Variants in TNFRSF10C observed in about 807,000 individuals in gnomAD.
TNFRSF10C encodes TNF receptor superfamily member 10c, also known as tumor necrosis factor receptor superfamily member 10C.
TNFRSF10C carries 17 observed loss-of-function variants against 16.7 expected under a neutral mutation model. The observed-to-expected ratio is 1.02, with a 90% CI of 0.70 to 1.53. The LOEUF is 1.53. TNFRSF10C is among the 40% of genes most tolerant of loss of function. TNFRSF10C has a pLI of 0.00. For synonymous variants in TNFRSF10C, 73 were observed against 119.7 expected (o/e 0.61, Z 2.55); for missense variants, 237 against 329.7 (o/e 0.72, Z 2.18).
chr8:23,103,391 C>A (rs1459304413), intron 1 of TNFRSF10C: 1 of 847,022 alleles, frequency 1.2e-6, no homozygotes, highest in Non-Finnish European at 1.8e-6. Context: ...GAGAGGCGGT[C>A]CCCCTGGCTG....
intron 1 of TNFRSF10C, among the ~76,000 whole-genome samples, chr8:23,104,755 T>C (rs1418765703): frequency 2.0e-5 from 3 of 152,200 alleles, no homozygotes; most frequent in African/African-American, 7.2e-5. Context: ...CACATCACAT[T>C]GCTATGTATT....
chr8:23,111,923 A>C, intron 2 of TNFRSF10C, 98 bp downstream of exon 2: 2 of 1,219,716 alleles, frequency 1.6e-6, no homozygotes, highest in Non-Finnish European at 2.3e-6. Context: ...ATATGTACGC[A>C]TTGTGGAATG....
At chr8:23,112,560 C>A (rs777882494) in intron 2 of TNFRSF10C, among the ~76,000 whole-genome samples, 1 of 152,238 alleles carries the variant, frequency 6.6e-6, no homozygotes, top group Non-Finnish European at 1.5e-5. Context: ...TATGTGAGAT[C>A]ATGAGGTGTT....
intron 1 of TNFRSF10C, among the ~76,000 whole-genome samples, chr8:23,109,014 G>A (rs79063284): frequency 0.016 from 2,460 of 152,240 alleles, 71 homozygotes; most frequent in African/African-American, 0.057. Flanking sequence ...AAAAGGGAAG[G>A]TAAGATATTT....
chr8:23,106,169 A>G (rs1301914719), intron 1 of TNFRSF10C, among the ~76,000 whole-genome samples: 1 of 151,554 alleles, frequency 6.6e-6, no homozygotes, highest in Admixed American at 6.6e-5. Flanking sequence ...CCCCATGTGA[A>G]TCCTGTTCCC....
intron 2 of TNFRSF10C, among the ~76,000 whole-genome samples, chr8:23,113,728 C>T (rs1022726559): frequency 1.3e-5 from 2 of 152,132 alleles, no homozygotes; most frequent in African/African-American, 2.4e-5. Flanking sequence ...TCAGGTAGTA[C>T]GATGCCTCCA....
chr8:23,112,889 T>G (rs1180271112), intron 2 of TNFRSF10C, among the ~76,000 whole-genome samples: 1 of 152,040 alleles, frequency 6.6e-6, no homozygotes, highest in Non-Finnish European at 1.5e-5. Context: ...TTGAGGAACC[T>G]CCATACTGTT....
chr8:23,110,323 T>C (rs957423155), intron 1 of TNFRSF10C, among the ~76,000 whole-genome samples: 6 of 152,190 alleles, frequency 3.9e-5, no homozygotes, highest in Admixed American at 3.9e-4. Context: ...TTTTGTCTTG[T>C]TTAGATCCAG....
chr8:23,112,765 G>T (rs1813903746), intron 2 of TNFRSF10C, among the ~76,000 whole-genome samples: 1 of 152,146 alleles, frequency 6.6e-6, no homozygotes, highest in African/African-American at 2.4e-5. Flanking sequence ...TGTAAATAAT[G>T]CTCCAATGCA....
rs551651079 is a variant in TNFRSF10C, at chr8:23,111,748, G to T, written c.89G>T (p.Arg30Leu). The change falls in exon 2 of 5, where the codon CGG becomes CTG. Residue 30 changes from arginine to leucine, a missense_variant. By Grantham distance (102) the Arg-to-Leu change is moderately radical. Transcript: ENST00000356864. ...PVLAYSATTA[R>L]QEEVPQQTVA... ...CTAGCTTACTCTGCCACCACTGCCCGGCAGGAGGAAGTTCCCCAGCAGACA... is the reference window on the plus strand; with the variant it reads ...CTAGCTTACTCTGCCACCACTGCCCTGCAGGAGGAAGTTCCCCAGCAGACA... 1.1e-5 allele frequency: 17 copies of T among 1,613,798 alleles called. No homozygotes were observed. In the South Asian group the frequency reaches 1.9e-4, roughly 18 times the overall value.
Position 23,117,207 on chromosome 8 carries a change from C to T in TNFRSF10C, c.*176C>T, listed in dbSNP as rs1019304575. 7.2e-6 allele frequency: 7 copies of T among 973,796 alleles called. No individual in the cohort carries two copies. The African/African-American group carries it at 1.2e-4, about 16-fold the overall frequency. The allele number at this position is 973,796 out of a possible 1,614,324, so 60.3% of individuals were successfully genotyped here. A position where few individuals can be genotyped will look rare whatever the true frequency, so the allele number is the denominator to read the frequency against. On this transcript the variant is annotated 3_prime_UTR_variant, in exon 5 of 5. Transcript: ENST00000356864. ...TCTCCAGCCTGGCTCTATCTTCCTCCTTGTGATCGTCCCATCCCCACATCC... is the reference window on the plus strand; with the variant it reads ...TCTCCAGCCTGGCTCTATCTTCCTCTTTGTGATCGTCCCATCCCCACATCC...
rs1473419540 is a variant in TNFRSF10C at position 23,110,083 on chromosome 8, A to AAG, written c.61-1636_61-1635insGA. Among the ~76,000 whole-genome samples, 33 of 150,680 alleles carry AAG rather than the reference A, an allele frequency of 2.2e-4. 1 individual carries two copies. Among genetic ancestry groups the AAG allele is most frequent in the African/African-American group, 7.6e-4 (31 of 41,016 alleles). On this transcript the variant is annotated intron_variant, in intron 1 of 4. Transcript: ENST00000356864. ...GACCCTGTCTCCAAAAAAAAAAAAA[A>AAG]AAAAAAAAAAAAGACAAAATGAAAA...
At position 23,116,724 on chromosome 8, in the gene TNFRSF10C, CT is replaced by C. The variant is rs775326199; in HGVS notation, c.474del (p.Val159TrpfsTer10). On this transcript the variant is annotated frameshift_variant, in exon 5 of 5. Coordinates refer to ENST00000356864, the MANE Select transcript of TNFRSF10C (RefSeq NM_003841.5). LOFTEE classifies it low-confidence loss of function (END_TRUNC). ...GTTGAAGAATTTGGTGCCAATGCCA[CT>C]GTGGAAACCCCAGCTGCTGAAGAGA... ...QCVEEFGANA[T>X]VETPAAEETM... 1 of 1,614,244 alleles carries C rather than the reference CT, an allele frequency of 6.2e-7. No homozygotes were observed.
intron 1 of TNFRSF10C, among the ~76,000 whole-genome samples, chr8:23,106,277 C>G (rs936955638): frequency 6.6e-6 from 1 of 152,164 alleles, no homozygotes; most frequent in African/African-American, 2.4e-5. Flanking sequence ...CTTGCCTCCC[C>G]CTCCTCCAGA....
chr8:23,109,624 G>A (rs1813843359), intron 1 of TNFRSF10C, among the ~76,000 whole-genome samples: 1 of 131,690 alleles, frequency 7.6e-6, no homozygotes, highest in African/African-American at 2.9e-5. Context: ...GAGACAGCGA[G>A]ACTCCATCTC....
At chr8:23,107,484 T>C (rs750162452) in intron 1 of TNFRSF10C, among the ~76,000 whole-genome samples, 1 of 152,194 alleles carries the variant, frequency 6.6e-6, no homozygotes. Context: ...ATGTACACTT[T>C]GTTTCATGCC....
Position 23,111,768 on chromosome 8 carries a change from C to A in TNFRSF10C, c.109C>A (p.Gln37Lys). 6.2e-7 allele frequency: 1 copy of A among 1,614,154 alleles called. No homozygotes were observed. Among genetic ancestry groups the A allele is most frequent in the Non-Finnish European group, 8.5e-7 (1 of 1,180,014 alleles). Residue 37 changes from glutamine (Q) to lysine (K), a missense_variant, in exon 2 of 5, where the codon CAG (glutamine) becomes AAG (lysine). This residue lies in a region of TNFRSF10C where 212 missense variants were observed against 196.8 expected (regional missense o/e 1.08). Transcript: ENST00000356864. ...TGCCCGGCAGGAGGAAGTTCCCCAG[C>A]AGACAGTGGCCCCACAGCAACAGAG... ...TTARQEEVPQ[Q>K]TVAPQQQRHS... is the part of the protein sequence containing the mutation.
intron 1 of TNFRSF10C, among the ~76,000 whole-genome samples, chr8:23,109,723 C>T (rs555793210): frequency 1.3e-4 from 20 of 151,404 alleles, no homozygotes; most frequent in Admixed American, 1.2e-3. Context: ...TTAAACCAAA[C>T]AAAGTAACAG....
rs922597057 is a variant in TNFRSF10C at position 23,106,422 on chromosome 8, C to G, written c.60+3241C>G. The stretch of plus-strand genomic sequence containing the variant: ...CGAAGCTCTCCTTTAGATGCCCCCC[C>G]ACCCGATTTTTTTTTTTTTTTTTTT... On this transcript the variant is annotated intron_variant, in intron 1 of 4. Transcript: ENST00000356864. 6.7e-5 allele frequency among the ~76,000 whole-genome samples: 10 copies of G among 149,140 alleles called. 1 individual carries two copies. The highest frequency in any genetic ancestry group is 2.1e-4 in the South Asian group (1 of 4,690).
Sources: allele counts gnomAD v4.1 joint callset (sites outside exome capture counted in the v4.1 genomes callset), GRCh38; gene constraint gnomAD v4.1.1; regional missense constraint gnomAD v4.1.1; transcripts MANE v1.5; gene names NCBI Gene and HGNC (gene_info 2026-07-23, HGNC 2026-07-21).